The following SYNE2 variants were observed in gnomAD, a reference collection of about 807,000 sequenced individuals.
SYNE2 encodes spectrin repeat containing nuclear envelope protein 2, also known as nesprin-2.
SYNE2 carries 431 observed loss-of-function variants against 856.3 expected under a neutral mutation model. That is an observed-to-expected ratio of 0.50 (90% CI 0.47 to 0.55). The LOEUF (loss-of-function observed/expected upper bound fraction) is 0.55. Ranked by LOEUF, SYNE2 falls within the 20% of genes least tolerant of loss-of-function variation. The pLI, the probability that SYNE2 is intolerant of heterozygous loss-of-function variation, is 0.00. For synonymous variants in SYNE2, 2,923 were observed against 2,872.3 expected (o/e 1.02, Z -0.56); for missense variants, 8,129 against 8,023.2 (o/e 1.01, Z -0.50).
At chr14:64,043,243 C>G (rs561873945) in intron 45 of SYNE2, among the ~76,000 whole-genome samples, 2 of 152,288 alleles carry the variant, frequency 1.3e-5, no homozygotes, top group South Asian at 4.1e-4. Context: ...ACAAAGCATT[C>G]AAGAGGTGAC....
intron 63 of SYNE2, chr14:64,099,988 C>G (rs1198944785): frequency 2.0e-5 from 3 of 151,874 alleles, no homozygotes; most frequent in African/African-American, 4.8e-5. Flanking sequence ...GGGTATATAC[C>G]CAAAGGACTA....
chr14:63,823,444 T>G (rs891593093), intron 1 of SYNE2, among the ~76,000 whole-genome samples: 1 of 152,094 alleles, frequency 6.6e-6, no homozygotes, highest in Admixed American at 6.6e-5. Flanking sequence ...CCCAAAGTGC[T>G]GGGATTACAA....
chr14:64,092,717 A>T (rs535613172), intron 60 of SYNE2, among the ~76,000 whole-genome samples: 41 of 152,314 alleles, frequency 2.7e-4, no homozygotes, highest in African/African-American at 9.6e-4. Context: ...TTTAGTCCAC[A>T]GATAGGTCTG....
At chr14:64,155,917 A>C (rs2098281738) in intron 85 of SYNE2, among the ~76,000 whole-genome samples, 1 of 152,218 alleles carries the variant, frequency 6.6e-6, no homozygotes. Flanking sequence ...TTCTGCCTAA[A>C]TAAGGATCCT....
chr14:64,024,799 A>G (rs1193579591), intron 39 of SYNE2, 113 bp from the exon 40 acceptor site: 2 of 1,113,428 alleles, frequency 1.8e-6, no homozygotes, highest in Non-Finnish European at 2.6e-6. Context: ...TCTCTAAATT[A>G]TAACAAACAT....
chr14:63,955,774 C>T (rs542596027), intron 8 of SYNE2, among the ~76,000 whole-genome samples: 2 of 152,252 alleles, frequency 1.3e-5, no homozygotes, highest in South Asian at 4.1e-4. Flanking sequence ...TTATGATACG[C>T]TTTCTTATAG....
chr14:64,038,135 G>A (rs1257673895), intron 45 of SYNE2, among the ~76,000 whole-genome samples: 9 of 152,050 alleles, frequency 5.9e-5, no homozygotes, highest in East Asian at 3.9e-4. Flanking sequence ...GGTCCCGGCC[G>A]GGCAGAGGCG....
In SYNE2 at chr14:64,152,605, T is replaced by A; in HGVS notation, c.15681T>A (p.Asp5227Glu). The A allele has an allele frequency of 6.2e-7, 1 of 1,614,104 alleles. No individual in the cohort carries two copies. The highest frequency in any genetic ancestry group is 8.5e-7 in the Non-Finnish European group (1 of 1,179,988). Residue 5227 changes from aspartate to glutamate, a missense_variant, in exon 85 of 116, where the codon GAT becomes GAA. Asp to Glu is a conservative substitution (Grantham distance 45, BLOSUM62 2). This residue lies in a region of SYNE2 where 5,410 missense variants were observed against 5,284.8 expected (regional missense o/e 1.02). Transcript: ENST00000555002. ...NQLAIKSKAL[D>E]ELKQSYLTLE... Reference sequence around the variant, plus strand: ...TTGCAATTAAATCCAAAGCACTAGATGAGTTGAAACAAAGTTATCTGACTT... The same window carrying A: ...TTGCAATTAAATCCAAAGCACTAGAAGAGTTGAAACAAAGTTATCTGACTT...
intron 1 of SYNE2, among the ~76,000 whole-genome samples, chr14:63,786,189 G>A (rs530451771): frequency 1.1e-4 from 16 of 151,556 alleles, no homozygotes; most frequent in Non-Finnish European, 1.9e-4. Context: ...GGCGGAGTTT[G>A]CAGTGAACTG....
At chr14:63,963,035 C>T (rs1228911996) in intron 9 of SYNE2, among the ~76,000 whole-genome samples, 5 of 152,024 alleles carry the variant, frequency 3.3e-5, no homozygotes, top group African/African-American at 1.2e-4. Flanking sequence ...TATTTTAAAC[C>T]ACATGTTTGC....
intron 1 of SYNE2, among the ~76,000 whole-genome samples, chr14:63,858,640 C>G (rs1187407526): frequency 1.3e-5 from 2 of 152,094 alleles, no homozygotes; most frequent in Admixed American, 6.5e-5. Flanking sequence ...CCATTAATGA[C>G]AGCAGAGCCC....
At chr14:64,073,193 T>C (rs2097426446) in intron 52 of SYNE2, among the ~76,000 whole-genome samples, 1 of 152,088 alleles carries the variant, frequency 6.6e-6, no homozygotes, top group Non-Finnish European at 1.5e-5. Flanking sequence ...GGGGTGTGTG[T>C]TGGAGGTAGG....
At chr14:64,224,088 T>C (rs1364465880) in intron 113 of SYNE2, among the ~76,000 whole-genome samples, 1 of 147,976 alleles carries the variant, frequency 6.8e-6, no homozygotes, top group African/African-American at 2.5e-5. Context: ...CTAATGCCTA[T>C]AATCCCAGCA....
chr14:64,183,031 C>G lies in SYNE2; in HGVS notation c.17557-3393C>G, dbSNP rs531752021. The stretch of plus-strand genomic sequence containing the variant: ...CCAGGCGGGGGCTGCCCCCGCCTCC[C>G]TCCCGGACGGGGCGGCTGCTGGGCG... On this transcript the variant is annotated intron_variant, in intron 96 of 115. Transcript: ENST00000555002. Among the ~76,000 whole-genome samples the G allele has an allele frequency of 6.0e-3, 893 of 148,256 alleles. 37 individuals carry two copies. The highest frequency in any genetic ancestry group is 0.055 in the Admixed American group (812 of 14,882).
At chr14:63,939,025 G>A (rs541661414) in intron 2 of SYNE2, among the ~76,000 whole-genome samples, 4 of 152,306 alleles carry the variant, frequency 2.6e-5, no homozygotes, top group Admixed American at 6.5e-5. Flanking sequence ...CAAGGATAAA[G>A]GGTATAGTGA....
chr14:64,038,446 T>G (rs932719096), intron 45 of SYNE2, among the ~76,000 whole-genome samples: 1 of 139,472 alleles, frequency 7.2e-6, no homozygotes, highest in East Asian at 2.1e-4. Context: ...GGGTGGCGGC[T>G]TGGCAGAGGC....
Position 64,027,655 on chromosome 14 carries a change from C to T in SYNE2, c.6576C>T (p.Ala2192=), listed in dbSNP as rs2153540997. ...LKIYKKFLKK[A]QDLTSLLKEL... Reference sequence around the variant, plus strand: ...TTTATAAGAAATTCCTCAAGAAAGCCCAAGATTTGACATCCTTGCTAAAGG... The same window carrying T: ...TTTATAAGAAATTCCTCAAGAAAGCTCAAGATTTGACATCCTTGCTAAAGG... Residue 2192 remains alanine, a synonymous_variant, in exon 43 of 116, where the codon GCC becomes GCT. Coordinates refer to ENST00000555002, the MANE Select transcript of SYNE2 (RefSeq NM_182914.3). The T allele has an allele frequency of 1.9e-6, 3 of 1,613,996 alleles. No homozygotes were observed. Among genetic ancestry groups the T allele is most frequent in the East Asian group, 4.5e-5 (2 of 44,862 alleles).
chr14:64,175,028 C>T lies in SYNE2; in HGVS notation c.17320C>T (p.Leu5774=). The part of the protein sequence containing the change: ...AGEKLLLTTD[L]KTKESVGRRI... ...AGAAAAGTTACTGCTCACAACTGAC[C>T]TGAAAACTAAAGAGTCTGTGGGTAG... is the stretch of plus-strand genomic sequence containing the variant. Residue 5774 remains leucine, a synonymous_variant, in exon 95 of 116, where the codon CTG becomes TTG. Coordinates refer to ENST00000555002, the MANE Select transcript of SYNE2 (RefSeq NM_182914.3). 6.2e-7 allele frequency: 1 copy of T among 1,614,154 alleles called. No individual in the cohort carries two copies. The highest frequency in any genetic ancestry group is 8.5e-7 in the Non-Finnish European group (1 of 1,180,034).
intron 1 of SYNE2, among the ~76,000 whole-genome samples, chr14:63,897,798 T>C (rs1331528676): frequency 6.6e-6 from 1 of 152,192 alleles, no homozygotes; most frequent in Non-Finnish European, 1.5e-5. Context: ...CTCCCCCTGC[T>C]CCTGCTCCCA....
Sources: allele counts gnomAD v4.1 joint callset (sites outside exome capture counted in the v4.1 genomes callset), GRCh38; gene constraint gnomAD v4.1.1; regional missense constraint gnomAD v4.1.1; transcripts MANE v1.5; gene names NCBI Gene and HGNC (gene_info 2026-07-23, HGNC 2026-07-21).